ADGB: variants seen among roughly 807,000 people sequenced by gnomAD.
The protein encoded by ADGB is androglobin.
Under a neutral mutation model 210.5 loss-of-function variants are expected in ADGB, and 172 were observed. That is an observed-to-expected ratio of 0.82 (90% confidence interval 0.72 to 0.93). ADGB has a LOEUF of 0.93. ADGB is among the 40% of genes least tolerant of loss of function. The pLI is 0.00. For missense variants in ADGB, 2,025 were observed against 1,964.8 expected (o/e 1.03, Z -0.58); for synonymous variants, 658 against 662.7 (o/e 0.99, Z 0.11).
At chr6:146,661,762 T>C (rs949477316) in intron 5 of ADGB, among the ~76,000 whole-genome samples, 4 of 152,148 alleles carry the variant, frequency 2.6e-5, no homozygotes, top group African/African-American at 7.2e-5. Context: ...TGAAAAATTT[T>C]CTTTCGCAAT....
chr6:146,758,684 A>G (rs1054549910), intron 27 of ADGB, among the ~76,000 whole-genome samples: 3 of 152,112 alleles, frequency 2.0e-5, no homozygotes, highest in South Asian at 4.1e-4. Flanking sequence ...TACCATTAGT[A>G]TTTCCAGATG....
At chr6:146,703,235 T>C (rs1329624376) in intron 13 of ADGB, among the ~76,000 whole-genome samples, 1 of 151,932 alleles carries the variant, frequency 6.6e-6, no homozygotes, top group Non-Finnish European at 1.5e-5. Flanking sequence ...TTTTCAATCT[T>C]GTCTTTTTAA....
intron 35 of ADGB, among the ~76,000 whole-genome samples, chr6:146,812,682 G>A (rs569603704): frequency 1.3e-5 from 2 of 152,160 alleles, no homozygotes; most frequent in Non-Finnish European, 2.9e-5. Context: ...ACTTGTTATC[G>A]ACATTGTCAG....
chr6:146,770,223 T>C (rs758313558), intron 29 of ADGB, among the ~76,000 whole-genome samples: 5 of 152,232 alleles, frequency 3.3e-5, no homozygotes, highest in Non-Finnish European at 5.9e-5. Context: ...GTTTGCTTGC[T>C]TCTATTATCT....
intron 30 of ADGB, among the ~76,000 whole-genome samples, chr6:146,783,429 CAAG>C (rs1777829677): frequency 6.6e-6 from 1 of 152,168 alleles, no homozygotes; most frequent in Non-Finnish European, 1.5e-5. Flanking sequence ...TAGATTCCTA[CAAG>C]AAGACCTCCC....
chr6:146,602,747 A>G (rs1464902894), intron 1 of ADGB, among the ~76,000 whole-genome samples: 2 of 152,150 alleles, frequency 1.3e-5, no homozygotes, highest in Non-Finnish European at 1.5e-5. Flanking sequence ...GAGGCAGGGG[A>G]GTCAACATTT....
chr6:146,715,479 C>T, intron 14 of ADGB, 64 bp downstream of exon 14: 3 of 1,141,034 alleles, frequency 2.6e-6, no homozygotes, highest in Non-Finnish European at 3.6e-6. Context: ...GGCATCTCTG[C>T]TTCTTGACAG....
chr6:146,756,722 T>C (rs1777411055), intron 27 of ADGB, among the ~76,000 whole-genome samples: 1 of 151,804 alleles, frequency 6.6e-6, no homozygotes, highest in Non-Finnish European at 1.5e-5. Flanking sequence ...ATCAACATGT[T>C]CATCATCATT....
intron 9 of ADGB, among the ~76,000 whole-genome samples, chr6:146,682,767 G>A (rs993566838): frequency 6.6e-6 from 1 of 152,064 alleles, no homozygotes; most frequent in African/African-American, 2.4e-5. Context: ...AGAGATAATA[G>A]AACAAATAGG....
intron 33 of ADGB, among the ~76,000 whole-genome samples, chr6:146,798,446 T>C (rs1379967834): frequency 6.6e-6 from 1 of 152,180 alleles, no homozygotes; most frequent in Non-Finnish European, 1.5e-5. Flanking sequence ...AGGCTAGTTA[T>C]GAAAAACCTA....
intron 5 of ADGB, 92 bp from the exon 6 acceptor site, chr6:146,664,109 G>A (rs923210405): frequency 1.0e-5 from 13 of 1,253,238 alleles, no homozygotes; most frequent in African/African-American, 1.5e-5. Flanking sequence ...ATTGGAAAAC[G>A]GTAAATAGTA....
At chr6:146,601,538 G>A (rs1780557022) in intron 1 of ADGB, among the ~76,000 whole-genome samples, 1 of 152,188 alleles carries the variant, frequency 6.6e-6, no homozygotes, top group African/African-American at 2.4e-5. Context: ...GAGGCGTAGG[G>A]ATCAAAGTCT....
chr6:146,774,918 G>A (rs259416), intron 29 of ADGB, among the ~76,000 whole-genome samples: 76,602 of 151,768 alleles, frequency 0.5, 19,867 homozygotes, highest in Admixed American at 0.6. Flanking sequence ...GATTACAGAC[G>A]TGCGCCACCA....
At chr6:146,618,182 T>C (rs949372480) in intron 1 of ADGB, among the ~76,000 whole-genome samples, 1 of 151,670 alleles carries the variant, frequency 6.6e-6, no homozygotes, top group African/African-American at 2.4e-5. Flanking sequence ...CAGTTGTTCA[T>C]AACAGTCTCT....
At chr6:146,743,233 T>C (rs545678229) in intron 25 of ADGB, among the ~76,000 whole-genome samples, 29 of 152,350 alleles carry the variant, frequency 1.9e-4, no homozygotes, top group African/African-American at 7.0e-4. Flanking sequence ...ATCAAGGTTA[T>C]AGATGTCATC....
intron 29 of ADGB, among the ~76,000 whole-genome samples, chr6:146,769,346 ATTAG>A (rs1299095881): frequency 4.6e-5 from 7 of 152,118 alleles, no homozygotes; most frequent in Non-Finnish European, 7.4e-5. Flanking sequence ...AAAAAATATG[ATTAG>A]TTAGATGTAA....
At chr6:146,662,528 G>C (rs1477813341) in intron 5 of ADGB, among the ~76,000 whole-genome samples, 1 of 151,994 alleles carries the variant, frequency 6.6e-6, no homozygotes, top group Non-Finnish European at 1.5e-5. Context: ...TGTTTCAAGA[G>C]TGTTCATAAT....
chr6:146,770,352 T>C (rs1451979909), intron 29 of ADGB: 1 of 220,478 alleles, frequency 4.5e-6, no homozygotes, highest in African/African-American at 2.3e-5. Flanking sequence ...GTCTTAAAAT[T>C]CAAAGAAAAG....
intron 28 of ADGB, among the ~76,000 whole-genome samples, chr6:146,765,264 A>G (rs1280046705): frequency 6.6e-6 from 1 of 152,184 alleles, no homozygotes; most frequent in Non-Finnish European, 1.5e-5. Flanking sequence ...GTAAATCATG[A>G]ATAATTGAAG....
Sources: allele counts gnomAD v4.1 joint callset (sites outside exome capture counted in the v4.1 genomes callset), GRCh38; gene constraint gnomAD v4.1.1; transcripts MANE v1.5; gene names NCBI Gene and HGNC (gene_info 2026-07-23, HGNC 2026-07-21).